EIF3A: variants seen among roughly 807,000 people sequenced by gnomAD.
EIF3A encodes eukaryotic translation initiation factor 3 subunit A.
Under a neutral mutation model 186.6 loss-of-function variants are expected in EIF3A, and 21 were observed. The ratio of observed to expected loss-of-function variants is 0.11; its 90% CI spans 0.08 to 0.16. EIF3A has a LOEUF of 0.16. EIF3A is among the 10% of genes least tolerant of loss of function. The probability of loss-of-function intolerance (pLI) is 1.00; values close to 1 mark genes in which losing one functional copy is unlikely to be tolerated. For synonymous variants in EIF3A, 563 were observed against 584.3 expected (o/e 0.96, Z 0.52); for missense variants, 1,306 against 1,796.3 (o/e 0.73, Z 4.93).
intron 1 of EIF3A, among the ~76,000 whole-genome samples, chr10:119,078,164 G>T (rs1309992967): frequency 6.6e-6 from 1 of 151,818 alleles, no homozygotes; most frequent in African/African-American, 2.4e-5. Flanking sequence ...ATTTTTCAAA[G>T]GCACTGGTTG....
intron 1 of EIF3A, among the ~76,000 whole-genome samples, chr10:119,078,917 G>A (rs1311424491): frequency 6.6e-6 from 1 of 151,974 alleles, no homozygotes; most frequent in South Asian, 2.1e-4. Context: ...TAATATGTAG[G>A]CCATTATAAT....
At chr10:119,077,871 A>G (rs923048196) in intron 1 of EIF3A, among the ~76,000 whole-genome samples, 1 of 152,176 alleles carries the variant, frequency 6.6e-6, no homozygotes, top group Non-Finnish European at 1.5e-5. Flanking sequence ...ATTATTTAAT[A>G]GTGGCCGGGG....
chr10:119,044,224 T>A, intron 17 of EIF3A, 82 bp from the exon 18 acceptor site: 1 of 950,006 alleles, frequency 1.1e-6, no homozygotes, highest in Non-Finnish European at 1.7e-6. Flanking sequence ...TCAAATATTT[T>A]TTGTACTTAT....
In EIF3A at chr10:119,042,110, C is replaced by T; in HGVS notation, c.3410G>A (p.Arg1137Lys). Residue 1137 changes from arginine (R) to lysine (K), a missense_variant, in exon 19 of 22, where the codon AGG becomes AAG. Coordinates refer to ENST00000369144, the MANE Select transcript of EIF3A (RefSeq NM_003750.4). The surrounding 1 kb of genome is among the most constrained non-coding windows in gnomAD (Gnocchi z 7.8). ...RIPRRGAEDD[R>K]GPWRNMDDDR... The stretch of plus-strand genomic sequence containing the variant: ...ATCATCCATGTTTCTCCAAGGGCCC[C>T]TGTCATCCTCTGCACCACGCCTGGG... The T allele has an allele frequency of 6.2e-7, 1 of 1,614,222 alleles. No individual in the cohort carries two copies. Among genetic ancestry groups the T allele is most frequent in the Non-Finnish European group, 8.5e-7 (1 of 1,180,048 alleles).
At position 119,049,436 on chromosome 10, in the gene EIF3A, C is replaced by T. The variant is rs1031961851; in HGVS notation, c.2658+365G>A. 8.8e-5 allele frequency among the ~76,000 whole-genome samples: 12 copies of T among 137,016 alleles called. No homozygotes were observed. In the East Asian group the frequency reaches 2.1e-3, roughly 24 times the overall value. 89.9% of individuals were successfully genotyped at this position (137,016 alleles called of 152,430 possible). A position where few individuals can be genotyped will look rare whatever the true frequency, so the allele number is the denominator to read the frequency against. ...CTGGGAGGCAGAGATTGCAGGAAGC[C>T]GAGACAGAGATCACACCACTGCACT... On this transcript the variant is annotated intron_variant, in intron 17 of 21. Coordinates refer to ENST00000369144, the MANE Select transcript of EIF3A (RefSeq NM_003750.4).
At chr10:119,061,191 G>T in intron 8 of EIF3A, 33 bp downstream of exon 8, 1 of 1,254,496 alleles carries the variant, frequency 8.0e-7, no homozygotes. Flanking sequence ...CCAACTCTGT[G>T]GTAACAACCA....
At chr10:119,039,773 G>A (rs1374146169) in intron 19 of EIF3A, among the ~76,000 whole-genome samples, 2 of 152,188 alleles carry the variant, frequency 1.3e-5, no homozygotes, top group Admixed American at 1.3e-4. Context: ...TCATGAATGA[G>A]TTATAATGCT....
intron 4 of EIF3A, among the ~76,000 whole-genome samples, chr10:119,071,748 G>T (rs1292563388): frequency 6.6e-6 from 1 of 152,172 alleles, no homozygotes; most frequent in Non-Finnish European, 1.5e-5. Flanking sequence ...AAATTCAGCT[G>T]GGCGCGATGG....
At chr10:119,051,412 G>A (rs897503923) in intron 14 of EIF3A, 91 bp from the exon 15 acceptor site, 9 of 1,273,700 alleles carry the variant, frequency 7.1e-6, no homozygotes, top group Middle Eastern at 2.3e-4. Context: ...AAAATTAGAA[G>A]CTGCTCCACT....
intron 6 of EIF3A, among the ~76,000 whole-genome samples, chr10:119,067,172 C>T (rs751111969): frequency 4.0e-5 from 6 of 151,664 alleles, no homozygotes; most frequent in East Asian, 3.9e-4. Flanking sequence ...GCCAAGACTG[C>T]GCCATTGCAC....
At chr10:119,040,367 A>C (rs909463646) in intron 19 of EIF3A, among the ~76,000 whole-genome samples, 1 of 152,090 alleles carries the variant, frequency 6.6e-6, no homozygotes. Flanking sequence ...AGACAAAACA[A>C]CTCCCAGAAT....
chr10:119,064,422 T>A lies in EIF3A; in HGVS notation c.1122+977A>T, dbSNP rs1178169672. Among the ~76,000 whole-genome samples the A allele has an allele frequency of 3.3e-5, 5 of 152,200 alleles. No homozygotes were observed. The East Asian group carries it at 9.7e-4, about 29-fold the overall frequency. On this transcript the variant is annotated intron_variant, in intron 7 of 21. Transcript: ENST00000369144. ...GGCCTGGTGGGAGGTGACTAAATCATGGGGGCAATTTCTAATGATTTAGCA... is the reference window on the plus strand; with the variant it reads ...GGCCTGGTGGGAGGTGACTAAATCAAGGGGGCAATTTCTAATGATTTAGCA...
At chr10:119,053,477 T>G (rs532699611) in intron 14 of EIF3A, among the ~76,000 whole-genome samples, 2 of 147,758 alleles carry the variant, frequency 1.4e-5, no homozygotes, top group South Asian at 4.2e-4. Flanking sequence ...TTTGTGAGGC[T>G]GAAGCAGGCA....
chr10:119,045,793 G>A (rs1273836375), intron 17 of EIF3A, among the ~76,000 whole-genome samples: 1 of 152,088 alleles, frequency 6.6e-6, no homozygotes, highest in Non-Finnish European at 1.5e-5. Flanking sequence ...AAGCTCCCAG[G>A]CTCAAGCGAT....
At chr10:119,048,834 C>G (rs1848316921) in intron 17 of EIF3A, among the ~76,000 whole-genome samples, 1 of 152,060 alleles carries the variant, frequency 6.6e-6, no homozygotes, top group African/African-American at 2.4e-5. Context: ...CCGCACCCAG[C>G]TAATTTTTTT....
intron 6 of EIF3A, among the ~76,000 whole-genome samples, chr10:119,068,250 GA>G (rs931024991): frequency 6.6e-6 from 1 of 152,136 alleles, no homozygotes; most frequent in Non-Finnish European, 1.5e-5. Context: ...GGAGCACAGG[GA>G]AAAAATTGGT....
chr10:119,076,306 C>T (rs868555340), intron 1 of EIF3A, among the ~76,000 whole-genome samples: 66 of 121,346 alleles, frequency 5.4e-4, no homozygotes, highest in African/African-American at 1.9e-3. Flanking sequence ...GTACTCCAGC[C>T]TGGGCAACAA....
At chr10:119,041,965 T>A (rs1848213522) in intron 19 of EIF3A, 29 bp downstream of exon 19, 6 of 1,606,624 alleles carry the variant, frequency 3.7e-6, no homozygotes, top group Non-Finnish European at 5.1e-6. Flanking sequence ...GGTGAACACT[T>A]AAGCATATTC....
chr10:119,073,088 C>G (rs1315055934), intron 3 of EIF3A, 35 bp from the exon 4 acceptor site: 4 of 1,569,574 alleles, frequency 2.5e-6, no homozygotes, highest in Non-Finnish European at 3.4e-6. Context: ...CAATTTTAGA[C>G]AGTTTCCTAC....
Sources: allele counts gnomAD v4.1 joint callset (sites outside exome capture counted in the v4.1 genomes callset), GRCh38; gene constraint gnomAD v4.1.1; non-coding constraint Gnocchi (gnomAD v3.1); transcripts MANE v1.5; gene names NCBI Gene and HGNC (gene_info 2026-07-23, HGNC 2026-07-21).